The following CD79B variants were observed in gnomAD, a reference collection of about 807,000 sequenced individuals.
CD79B encodes B-cell antigen receptor complex-associated protein beta chain.
A neutral mutation model predicts 30.0 loss-of-function variants in CD79B; 7 were observed. The observed-to-expected ratio is 0.23, with a 90% CI of 0.13 to 0.44. The LOEUF (loss-of-function observed/expected upper bound fraction) is 0.44. CD79B is among the 20% of genes least tolerant of loss of function. CD79B has a pLI of 1.00. For synonymous variants in CD79B, 118 were observed against 119.2 expected (o/e 0.99, Z 0.07); for missense variants, 218 against 299.1 (o/e 0.73, Z 2.00).
chr17:63,929,088 A>G lies in CD79B; in HGVS notation c.*138T>C. 1 of 698,992 alleles carries G rather than the reference A, an allele frequency of 1.4e-6. No individual in the cohort carries two copies. Among genetic ancestry groups the G allele is most frequent in the East Asian group, 2.6e-5 (1 of 37,816 alleles). 43.3% of individuals were successfully genotyped at this position (698,992 alleles called of 1,614,324 possible). On this transcript the variant is annotated 3_prime_UTR_variant, in exon 6 of 6. Coordinates refer to ENST00000006750, the MANE Select transcript of CD79B (RefSeq NM_000626.4). The stretch of plus-strand genomic sequence containing the variant: ...AAGAGCTGGGGACCAGGGGCTGGAG[A>G]CAAATGGCAGCTCTGGTGGGCCAGC...
chr17:63,931,887 G>A (rs995514403), intron 1 of CD79B: 11 of 481,892 alleles, frequency 2.3e-5, no homozygotes, highest in African/African-American at 5.8e-5. Context: ...CCCAGGCACC[G>A]CCCTCAGCCT....
At chr17:63,931,543 C>G (rs1015215690) in intron 1 of CD79B, among the ~76,000 whole-genome samples, 158 bp from the exon 2 acceptor site, 2 of 152,200 alleles carry the variant, frequency 1.3e-5, no homozygotes, top group Non-Finnish European at 2.9e-5. Context: ...ACTTGGGAGA[C>G]AGATATGGGG....
intron 4 of CD79B, 29 bp downstream of exon 4, chr17:63,929,741 C>G (rs1907997962): frequency 6.6e-7 from 1 of 1,523,144 alleles, no homozygotes; most frequent in Non-Finnish European, 9.0e-7. Flanking sequence ...CTCTGCGGTC[C>G]CCCAAGGCTT....
chr17:63,929,487 G>A lies in CD79B; in HGVS notation c.550-12C>T, dbSNP rs900015897. 1 of 1,613,764 alleles carries A rather than the reference G, an allele frequency of 6.2e-7. No individual in the cohort carries two copies. On this transcript the variant is annotated splice_polypyrimidine_tract_variant and intron_variant, in intron 4 of 5. Transcript: ENST00000006750. Reference sequence around the variant, plus strand: ...GCCTTGCTGTCATCCTGGGGGCGGAGAGGGATGGAGATCAGAGTGTTAGTG... The same window carrying A: ...GCCTTGCTGTCATCCTGGGGGCGGAAAGGGATGGAGATCAGAGTGTTAGTG...
At chr17:63,932,147 A>G in intron 1 of CD79B, 48 bp downstream of exon 1, 1 of 1,539,028 alleles carries the variant, frequency 6.5e-7, no homozygotes, top group Non-Finnish European at 9.0e-7. Flanking sequence ...GGGCCCAGAC[A>G]GCTGGAGATG....
intron 4 of CD79B, 126 bp downstream of exon 4, chr17:63,929,644 C>T: frequency 2.1e-6 from 2 of 957,776 alleles, no homozygotes; most frequent in South Asian, 1.3e-5. Flanking sequence ...AATTGGTGAG[C>T]CAGTGGGGAC....
rs200473170 is a variant in CD79B, at chr17:63,931,316, G to A, written c.118+19C>T. 296 of 1,612,974 alleles carry A rather than the reference G, an allele frequency of 1.8e-4. No individual in the cohort carries two copies. Among genetic ancestry groups the A allele is most frequent in the Middle Eastern group, 6.6e-4 (4 of 6,060 alleles). On this transcript the variant is annotated intron_variant, in intron 2 of 5. Coordinates refer to ENST00000006750, the MANE Select transcript of CD79B (RefSeq NM_000626.4). ...TCGCACACAACTTGCCCTCAGAAGCGGCAGGCGAGGCTACTGACCTTTGGG... is the reference window on the plus strand; with the variant it reads ...TCGCACACAACTTGCCCTCAGAAGCAGCAGGCGAGGCTACTGACCTTTGGG...
chr17:63,932,035 C>T, intron 1 of CD79B, 160 bp downstream of exon 1: 1 of 724,878 alleles, frequency 1.4e-6, no homozygotes, highest in Non-Finnish European at 2.5e-6. Flanking sequence ...CCACGTGCAG[C>T]TGACACCCAC....
chr17:63,930,161 C>T lies in CD79B; in HGVS notation c.343G>A (p.Glu115Lys). The T allele has an allele frequency of 6.2e-7, 1 of 1,614,236 alleles. No individual in the cohort carries two copies. Among genetic ancestry groups the T allele is most frequent in the Non-Finnish European group, 8.5e-7 (1 of 1,180,034 alleles). The change falls in exon 3 of 6, where the codon GAG (glutamate) becomes AAG (lysine). Residue 115 changes from glutamate to lysine, a missense_variant. Physicochemically the swap from Glu to Lys is moderately conservative, Grantham distance 56. Coordinates refer to ENST00000006750, the MANE Select transcript of CD79B (RefSeq NM_000626.4). ...TGACAGAAGTAGATGCCATTGTCCTCAAACCGGATGCCTTGGATGGTGAGG... is the reference window on the plus strand; with the variant it reads ...TGACAGAAGTAGATGCCATTGTCCTTAAACCGGATGCCTTGGATGGTGAGG... ...ATLTIQGIRF[E>K]DNGIYFCQQK...
At position 63,930,260 on chromosome 17, in the gene CD79B, T is replaced by C. The variant is rs757279256; in HGVS notation, c.244A>G (p.Met82Val). The C allele has an allele frequency of 3.7e-5, 59 of 1,614,092 alleles. No homozygotes were observed. The highest frequency in any genetic ancestry group is 4.9e-5 in the Non-Finnish European group (58 of 1,180,026). ...GNVSWLWKQE[M>V]DENPQQLKLE... ...TTCAGCTGCTGGGGATTCTCGTCCA[T>C]CTCCTGCTTCCAGAGCCAGCTCACA... Residue 82 changes from methionine to valine, a missense_variant, in exon 3 of 6, where the codon ATG becomes GTG. Coordinates refer to ENST00000006750, the MANE Select transcript of CD79B (RefSeq NM_000626.4).
intron 1 of CD79B, chr17:63,931,846 T>G (rs1908148799): frequency 2.3e-6 from 1 of 436,478 alleles, no homozygotes; most frequent in Non-Finnish European, 4.3e-6. Context: ...TCTTCCAGGG[T>G]CCGGTTGGGA....
intron 2 of CD79B, 82 bp from the exon 3 acceptor site, chr17:63,930,467 T>A (rs1908058904): frequency 8.0e-7 from 1 of 1,252,664 alleles, no homozygotes; most frequent in East Asian, 2.4e-5. Flanking sequence ...CTGCCCTGGC[T>A]GGCACAGACT....
In CD79B at chr17:63,929,874, C is replaced by T. The variant is rs1371519409; in HGVS notation, c.445G>A (p.Ala149Thr). ...ELRVMGFSTL[A>T]QLKQRNTLKD... ...AGCGTGTTCCTCTGCTTCAGCTGTGCCAAGGTGCTGAATCCTGCGGGGACA... is the reference window on the plus strand; with the variant it reads ...AGCGTGTTCCTCTGCTTCAGCTGTGTCAAGGTGCTGAATCCTGCGGGGACA... The change falls in exon 4 of 6, where the codon GCA becomes ACA. Residue 149 changes from alanine to threonine, a missense_variant. Physicochemically the swap from Ala to Thr is moderately conservative, Grantham distance 58. Coordinates refer to ENST00000006750, the MANE Select transcript of CD79B (RefSeq NM_000626.4). 8 of 1,612,720 alleles carry T rather than the reference C, an allele frequency of 5.0e-6. No individual in the cohort carries two copies. The highest frequency in any genetic ancestry group is 1.1e-5 in the South Asian group (1 of 91,058).
intron 2 of CD79B, 163 bp downstream of exon 2, chr17:63,931,172 G>A (rs1908098123): frequency 1.4e-6 from 1 of 718,816 alleles, no homozygotes; most frequent in Non-Finnish European, 2.5e-6. Context: ...GGCTGGGGGT[G>A]GGGCTCAGAG....
chr17:63,932,277 C>T lies in CD79B; in HGVS notation c.-16G>A, dbSNP rs775198481. On this transcript the variant is annotated 5_prime_UTR_variant, in exon 1 of 6. Coordinates refer to ENST00000006750, the MANE Select transcript of CD79B (RefSeq NM_000626.4). ...GCCTGGCCATGGTCACCGCTCTGTC[C>T]CCGACCCCAAACCCGTGACAACGTC... 3 of 1,610,790 alleles carry T rather than the reference C, an allele frequency of 1.9e-6. No homozygotes were observed. The highest frequency in any genetic ancestry group is 2.5e-6 in the Non-Finnish European group (3 of 1,179,604).
At chr17:63,930,020 C>G (rs562475013) in intron 3 of CD79B, 54 bp downstream of exon 3, 10 of 1,597,598 alleles carry the variant, frequency 6.3e-6, no homozygotes, top group Non-Finnish European at 8.6e-6. Context: ...AGAGGCAGGC[C>G]GGGCTAGGGT....
At position 63,929,127 on chromosome 17, in the gene CD79B, TG is replaced by T; in HGVS notation, c.*98del. On this transcript the variant is annotated 3_prime_UTR_variant, in exon 6 of 6. Transcript: ENST00000006750. ...TGGTGGGCCAGCTTCAGAGGCCAGC[TG>T]GGGGGTCCAGGAAAGGGGTTGGGCC... 9 of 834,298 alleles carry T rather than the reference TG, an allele frequency of 1.1e-5. No homozygotes were observed. The highest frequency in any genetic ancestry group is 5.3e-5 in the Admixed American group (3 of 56,276). 51.7% of individuals were successfully genotyped at this position (834,298 alleles called of 1,614,324 possible).
Position 63,928,881 on chromosome 17 carries a change from C to T in CD79B, c.*345G>A. 2.3e-6 allele frequency: 1 copy of T among 442,128 alleles called. No homozygotes were observed. Among genetic ancestry groups the T allele is most frequent in the East Asian group, 4.0e-5 (1 of 25,256 alleles). 27.4% of individuals were successfully genotyped at this position (442,128 alleles called of 1,614,324 possible). A position where few individuals can be genotyped will look rare whatever the true frequency, so the allele number is the denominator to read the frequency against. ...AGTTGGGTCCATGGCCCTTCCCAAG[C>T]TCTGCTGGGAGGCCCTCGGCTCCGA... On this transcript the variant is annotated 3_prime_UTR_variant, in exon 6 of 6. Coordinates refer to ENST00000006750, the MANE Select transcript of CD79B (RefSeq NM_000626.4).
chr17:63,931,346 C>A lies in CD79B; in HGVS notation c.107G>T (p.Arg36Leu), dbSNP rs148536804. The change falls in exon 2 of 6, where the codon CGG becomes CTG. Residue 36 changes from arginine to leucine, a missense_variant. Coordinates refer to ENST00000006750, the MANE Select transcript of CD79B (RefSeq NM_000626.4). ...VPAARSEDRYRNPKGSACSRI... is the reference protein window; with the variant it reads ...VPAARSEDRYLNPKGSACSRI... ...GCGAGGCTACTGACCTTTGGGATTC[C>A]GGTACCGGTCCTCCGATCTGGCTGC... is the stretch of plus-strand genomic sequence containing the variant. 7 of 1,613,870 alleles carry A rather than the reference C, an allele frequency of 4.3e-6. No homozygotes were observed. Among genetic ancestry groups the A allele is most frequent in the Middle Eastern group, 1.6e-4 (1 of 6,084 alleles).
Sources: allele counts gnomAD v4.1 joint callset (sites outside exome capture counted in the v4.1 genomes callset), GRCh38; gene constraint gnomAD v4.1.1; transcripts MANE v1.5; gene names NCBI Gene and HGNC (gene_info 2026-07-23, HGNC 2026-07-21).